The following SMARCA1 variants were observed in gnomAD, a reference collection of about 807,000 sequenced individuals.
SMARCA1 encodes the protein SNF2 related chromatin remodeling ATPase 1.
In SMARCA1, 17 loss-of-function variants were observed where a neutral mutation model predicts 93.6. That is an observed-to-expected ratio of 0.18 (90% CI 0.12 to 0.27). SMARCA1 has a LOEUF of 0.27. Among genes scored for constraint, SMARCA1 ranks in the 10% least tolerant of loss-of-function variants. The pLI, the probability that SMARCA1 is intolerant of heterozygous loss-of-function variation, is 1.00. For missense variants in SMARCA1, 630 were observed against 819.0 expected (o/e 0.77, Z 2.82); for synonymous variants, 271 against 271.4 (o/e 1.00, Z 0.01).
At chrX:129,468,190 A>G (rs1932973845) in intron 21 of SMARCA1, among the ~76,000 whole-genome samples, 1 of 112,444 alleles carries the variant, frequency 8.9e-6, no homozygotes, top group Admixed American at 9.4e-5. Flanking sequence ...TTCAGCAGCT[A>G]AACTGATTCT....
At chrX:129,481,732 T>C (rs2124248563) in intron 17 of SMARCA1, among the ~76,000 whole-genome samples, 2 of 111,779 alleles carry the variant, frequency 1.8e-5, no homozygotes, top group Middle Eastern at 9.1e-3. Context: ...ACACTGTTGG[T>C]GGGACTGTAA....
chrX:129,514,777 G>T (rs1400936121), intron 5 of SMARCA1, among the ~76,000 whole-genome samples: 6 of 111,535 alleles, frequency 5.4e-5, no homozygotes, highest in African/African-American at 2.0e-4. Flanking sequence ...GCCAGGGTGG[G>T]GGTGGCTCAC....
chrX:129,499,790 G>T lies in SMARCA1; in HGVS notation c.1219C>A (p.Leu407Met). The T allele has an allele frequency of 8.4e-7, 1 of 1,187,504 alleles. No individual in the cohort carries two copies. The highest frequency in any genetic ancestry group is 1.8e-5 in the South Asian group (1 of 55,890). ...RRIKTDVEKS[L>M]PPKKEIKIYL... is the part of the protein sequence containing the mutation. ...ATCTTTATTTCCTTTTTAGGTGGCA[G>T]ACTCTTCTCTACATCAGTTTTTATA... is the stretch of plus-strand genomic sequence containing the variant. The change falls in exon 10 of 25, where the codon CTG (leucine) becomes ATG (methionine). Residue 407 changes from leucine (L) to methionine (M), a missense_variant. This residue lies in a region of SMARCA1 where 382 missense variants were observed against 537.9 expected (regional missense o/e 0.71). Transcript: ENST00000371121.
chrX:129,468,113 C>T (rs376334355), intron 21 of SMARCA1, among the ~76,000 whole-genome samples: 2 of 112,668 alleles, frequency 1.8e-5, no homozygotes, highest in African/African-American at 6.4e-5. Context: ...TTGCCCTACA[C>T]GCTTCATCTG....
intron 5 of SMARCA1, among the ~76,000 whole-genome samples, chrX:129,513,591 T>TTA (rs1935091066): frequency 9.4e-6 from 1 of 106,210 alleles, no homozygotes; most frequent in Non-Finnish European, 1.9e-5. Context: ...ATATTATATA[T>TTA]TATATATATA....
chrX:129,499,560 AG>A (rs1372477865), intron 10 of SMARCA1, among the ~76,000 whole-genome samples, 171 bp downstream of exon 10: 1 of 112,167 alleles, frequency 8.9e-6, no homozygotes, highest in Non-Finnish European at 1.9e-5. Flanking sequence ...CTCTTTTCAA[AG>A]GGTTAAATAA....
Position 129,523,221 on chromosome X carries a change from C to CGTGGCCGCGGTGGCTTCG in SMARCA1, c.132_149dup (p.Ala46_Glu51dup). 1 of 1,211,500 alleles carries CGTGGCCGCGGTGGCTTCG rather than the reference C, an allele frequency of 8.3e-7. No homozygotes were observed. The highest frequency in any genetic ancestry group is 1.1e-6 in the Non-Finnish European group (1 of 895,266). On this transcript the variant is annotated inframe_insertion, in exon 1 of 25. Transcript: ENST00000371121. ...CCTCCTTCTTCTTCTCGCCCTTCTC[C>CGTGGCCGCGGTGGCTTCG]GTGGCCGCGGTGGCTTCGGTGGCCG...
At chrX:129,488,253 C>G (rs1280677953) in intron 16 of SMARCA1, among the ~76,000 whole-genome samples, 1 of 97,893 alleles carries the variant, frequency 1.0e-5, no homozygotes, top group Non-Finnish European at 2.0e-5. Context: ...TTTCAATTAA[C>G]CAATGTATCA....
intron 5 of SMARCA1, among the ~76,000 whole-genome samples, chrX:129,514,487 G>A (rs780452928): frequency 5.4e-5 from 6 of 111,971 alleles, no homozygotes; most frequent in African/African-American, 1.9e-4. Flanking sequence ...CTCTTTATTC[G>A]TTCCTTATTC....
At position 129,523,294 on chromosome X, in the gene SMARCA1, T is replaced by C. The variant is rs1290326654; in HGVS notation, c.77A>G (p.Asp26Gly). The stretch of plus-strand genomic sequence containing the variant: ...AGAGGTGGACGGCCCGGGCTGCTCG[T>C]CCTCTATGACCACGATAGTGGCGGT... ...DATATIVVIE[D>G]EQPGPSTSQE... is the part of the protein sequence containing the mutation. The change falls in exon 1 of 25, where the codon GAC becomes GGC. Residue 26 changes from aspartate (D) to glycine (G), a missense_variant. By Grantham distance (94) the Asp-to-Gly change is moderately conservative. Transcript: ENST00000371121. The C allele has an allele frequency of 8.3e-7, 1 of 1,208,539 alleles. No homozygotes were observed. Among genetic ancestry groups the C allele is most frequent in the South Asian group, 1.8e-5 (1 of 56,857 alleles).
intron 23 of SMARCA1, among the ~76,000 whole-genome samples, chrX:129,451,829 G>A (rs1006534068): frequency 2.2e-4 from 24 of 107,044 alleles, no homozygotes; most frequent in East Asian, 6.1e-4. Flanking sequence ...TCAGCCTCCC[G>A]AGTAGCTGGG....
chrX:129,516,097 G>T, intron 3 of SMARCA1, 103 bp from the exon 4 acceptor site: 1 of 677,169 alleles, frequency 1.5e-6, no homozygotes, highest in East Asian at 3.3e-5. Flanking sequence ...AGAATGAGTT[G>T]TCCAAGGTCT....
At chrX:129,491,853 C>T in intron 14 of SMARCA1, 88 bp downstream of exon 14, 3 of 633,493 alleles carry the variant, frequency 4.7e-6, no homozygotes, top group Admixed American at 3.5e-5. Context: ...AAATTGTTAC[C>T]TTTTTATCAT....
Position 129,448,205 on chromosome X carries a change from A to T in SMARCA1, c.3141+128T>A, listed in dbSNP as rs753416408. 1.6e-5 allele frequency: 10 copies of T among 644,643 alleles called. No individual in the cohort carries two copies. In the East Asian group the frequency reaches 3.3e-4, roughly 21 times the overall value. The allele number at this position is 644,643 out of a possible 1,213,427, so 53.1% of individuals were successfully genotyped here. On this transcript the variant is annotated intron_variant, in intron 24 of 24. Transcript: ENST00000371121. ...AAGCAATTCTTCTTCTGTCCAAAAC[A>T]AATTAGCATTTCATAAAACCAGCTT...
chrX:129,462,297 T>C (rs1265478745), intron 23 of SMARCA1, among the ~76,000 whole-genome samples: 1 of 111,962 alleles, frequency 8.9e-6, no homozygotes, highest in Non-Finnish European at 1.9e-5. Flanking sequence ...GATTTTTCAA[T>C]GAAACAACTT....
In SMARCA1 at chrX:129,492,022, A is replaced by G. The variant is rs749431849; in HGVS notation, c.1734T>C (p.Gly578=). ...CAGCACTTGCCAGGTTAATTCCGAG[A>G]CCTCCAGCCCTGGTACTTAGCATAA... ...FIFMLSTRAG[G]LGINLASADV... The change falls in exon 14 of 25, where the codon GGT becomes GGC. Residue 578 remains glycine (G), a synonymous_variant. Transcript: ENST00000371121. The G allele has an allele frequency of 1.7e-6, 2 of 1,188,364 alleles. No homozygotes were observed. Among genetic ancestry groups the G allele is most frequent in the Admixed American group, 4.4e-5 (2 of 45,891 alleles).
chrX:129,519,945 A>T (rs1451483686), intron 1 of SMARCA1, among the ~76,000 whole-genome samples: 3 of 111,478 alleles, frequency 2.7e-5, no homozygotes, highest in Non-Finnish European at 5.7e-5. Context: ...ACAGAAAATT[A>T]AAGCTTTAAT....
At chrX:129,504,562 A>C (rs1569446046) in intron 9 of SMARCA1, among the ~76,000 whole-genome samples, 172 bp downstream of exon 9, 1 of 96,111 alleles carries the variant, frequency 1.0e-5, no homozygotes, top group African/African-American at 4.3e-5. Context: ...AAAAAAAAAA[A>C]AAAAAAAAAA....
intron 1 of SMARCA1, among the ~76,000 whole-genome samples, chrX:129,521,559 A>G (rs758563070): frequency 9.0e-6 from 1 of 111,647 alleles, no homozygotes; most frequent in South Asian, 3.8e-4. Context: ...TAGCTTTTTT[A>G]TTGGTCTCCC....
Sources: allele counts gnomAD v4.1 joint callset (sites outside exome capture counted in the v4.1 genomes callset), GRCh38; gene constraint gnomAD v4.1.1; regional missense constraint gnomAD v4.1.1; transcripts MANE v1.5; gene names NCBI Gene and HGNC (gene_info 2026-07-23, HGNC 2026-07-21).